TONSL: variants seen among roughly 807,000 people sequenced by gnomAD.
TONSL encodes tonsoku like, DNA repair protein, also known as tonsoku-like protein.
A neutral mutation model predicts 147.1 loss-of-function variants in TONSL; 112 were observed. The observed-to-expected ratio is 0.76, with a 90% CI of 0.65 to 0.89. The LOEUF is 0.89. TONSL is among the 40% of genes least tolerant of loss of function. The pLI is 0.00. For missense variants in TONSL, 1,883 were observed against 1,864.6 expected (o/e 1.01, Z -0.18); for synonymous variants, 868 against 801.5 (o/e 1.08, Z -1.40).
chr8:144,436,719 C>A, intron 15 of TONSL, 38 bp from the exon 16 acceptor site: 1 of 1,610,982 alleles, frequency 6.2e-7, no homozygotes, highest in Non-Finnish European at 8.5e-7. Context: ...CAGCAGCCCC[C>A]ATAACCTCGC....
At chr8:144,435,237 A>G in intron 18 of TONSL, 67 bp from the exon 19 acceptor site, 1 of 1,435,786 alleles carries the variant, frequency 7.0e-7, no homozygotes, top group Middle Eastern at 2.6e-4. Context: ...GGGACCCGCC[A>G]TCCCTGCCCA....
chr8:144,436,772 G>C lies in TONSL; in HGVS notation c.1875C>G (p.Thr625=). The C allele has an allele frequency of 6.2e-7, 1 of 1,611,086 alleles. No homozygotes were observed. The change falls in exon 15 of 26, where the codon ACC becomes ACG. Residue 625 remains threonine, a synonymous_variant. Transcript: ENST00000409379. ...ELLLERGASV[T]LRTRKGLSPL... ...CCAGGCTCACCTTTCGAGTGCGGAG[G>C]GTGACGGACGCCCCCCGTTCAAGCA...
chr8:144,441,971 C>A (rs2242265), intron 7 of TONSL, 66 bp downstream of exon 7: 743,716 of 1,445,334 alleles, frequency 0.51, 192,684 homozygotes, highest in Middle Eastern at 0.62. Context: ...TGGCGGGACT[C>A]CACCCCGCCC....
intron 23 of TONSL, among the ~76,000 whole-genome samples, 177 bp from the exon 24 acceptor site, chr8:144,431,328 A>C (rs1049830586): frequency 6.6e-6 from 1 of 152,104 alleles, no homozygotes; most frequent in African/African-American, 2.4e-5. Context: ...GATAGTGTGA[A>C]AATAATAGGG....
chr8:144,435,406 T>C, intron 18 of TONSL, 68 bp downstream of exon 18: 3 of 1,397,010 alleles, frequency 2.1e-6, no homozygotes, highest in East Asian at 2.5e-5. Context: ...CACCCTGACA[T>C]GCAAACACGA....
Position 144,443,241 on chromosome 8 carries a change from G to A in TONSL, c.345C>T (p.Arg115=). ...ELQRAWATIG[R]THLDIYDHCQ... Reference sequence around the variant, plus strand: ...AGTGGTCATAGATGTCCAGGTGGGTGCGGCCGATGGTGGCCCAGGCCCTCT... The same window carrying A: ...AGTGGTCATAGATGTCCAGGTGGGTACGGCCGATGGTGGCCCAGGCCCTCT... The change falls in exon 4 of 26, where the codon CGC becomes CGT. Residue 115 remains arginine, a synonymous_variant. Coordinates refer to ENST00000409379, the MANE Select transcript of TONSL (RefSeq NM_013432.5). The A allele has an allele frequency of 6.4e-7, 1 of 1,550,790 alleles. No individual in the cohort carries two copies. Among genetic ancestry groups the A allele is most frequent in the Non-Finnish European group, 8.7e-7 (1 of 1,146,986 alleles).
At chr8:144,441,215 C>T in intron 7 of TONSL, 104 bp from the exon 8 acceptor site, 1 of 1,471,306 alleles carries the variant, frequency 6.8e-7, no homozygotes, top group South Asian at 1.3e-5. Flanking sequence ...ACTCTCTCCA[C>T]ACCTCTGCCT....
At chr8:144,439,877 A>G in intron 11 of TONSL, 144 bp downstream of exon 11, 1 of 585,626 alleles carries the variant, frequency 1.7e-6, no homozygotes. Flanking sequence ...TTCTCTGTCC[A>G]GTTCCGGGAA....
rs1286112295 is a variant in TONSL, at chr8:144,444,408, G to A, written c.7C>T (p.Leu3=). 4.7e-6 allele frequency: 6 copies of A among 1,265,248 alleles called. No individual in the cohort carries two copies. Among genetic ancestry groups the A allele is most frequent in the Middle Eastern group, 3.0e-4 (1 of 3,386 alleles). The allele number at this position is 1,265,248 out of a possible 1,614,324, so 78.4% of individuals were successfully genotyped here. A position where few individuals can be genotyped will look rare whatever the true frequency, so the allele number is the denominator to read the frequency against. Residue 3 remains leucine (L), a synonymous_variant, in exon 1 of 26, where the codon CTG becomes TTG. Coordinates refer to ENST00000409379, the MANE Select transcript of TONSL (RefSeq NM_013432.5). MS[L]ERELRQLSKA... ...AACTTACGGCGAAGCTCGCGCTCCA[G>A]GCTCATGCTCGGATCGCCGCGGGAT...
rs1823443818 is a variant in TONSL at position 144,436,103 on chromosome 8, G to A, written c.2330C>T (p.Ala777Val). ...GGCTGTGGCTGCTTCCCTGTTGCTG[G>A]CGGGGCCAGGCGTCCAGGCTGCCAC... is the stretch of plus-strand genomic sequence containing the variant. ...QRVAAWTPGP[A>V]SNREAATAST... Residue 777 changes from alanine (A) to valine (V), a missense_variant, in exon 17 of 26, where the codon GCC becomes GTC. Transcript: ENST00000409379. 1 of 1,556,748 alleles carries A rather than the reference G, an allele frequency of 6.4e-7. No homozygotes were observed. The highest frequency in any genetic ancestry group is 8.6e-7 in the Non-Finnish European group (1 of 1,157,710).
In TONSL at chr8:144,442,764, AG is replaced by A. The variant is rs1192378900; in HGVS notation, c.490del (p.Leu164SerfsTer72). The A allele has an allele frequency of 8.1e-6, 13 of 1,612,734 alleles. No individual in the cohort carries two copies. The highest frequency in any genetic ancestry group is 1.7e-5 in the Admixed American group (1 of 59,988). ...QGELNEMRTR[L>X]YLNLGLTFES... ...AAAGGTGAGGCCCAGGTTGAGATAG[AG>A]GCGGGTCCTCATCTCATTCAGCTCT... On this transcript the variant is annotated frameshift_variant, in exon 5 of 26. Coordinates refer to ENST00000409379, the MANE Select transcript of TONSL (RefSeq NM_013432.5). LOFTEE classifies it high-confidence loss of function.
Position 144,442,392 on chromosome 8 carries a change from T to A in TONSL, c.599A>T (p.Asp200Val). 1 of 1,560,118 alleles carries A rather than the reference T, an allele frequency of 6.4e-7. No individual in the cohort carries two copies. Among genetic ancestry groups the A allele is most frequent in the African/African-American group, 1.4e-5 (1 of 73,738 alleles). ...FLAEQNHLYE[D>V]LFRARYNLGT... is the part of the protein sequence containing the mutation. ...CAGGTTGTAGCGGGCGCGGAATAGGTCCTCGTAAAGGTGGTTCTGCCTGCA... is the reference window on the plus strand; with the variant it reads ...CAGGTTGTAGCGGGCGCGGAATAGGACCTCGTAAAGGTGGTTCTGCCTGCA... Residue 200 changes from aspartate to valine, a missense_variant, in exon 6 of 26, where the codon GAC (aspartate) becomes GTC (valine). Coordinates refer to ENST00000409379, the MANE Select transcript of TONSL (RefSeq NM_013432.5).
intron 24 of TONSL, 103 bp from the exon 25 acceptor site, chr8:144,430,640 C>T: frequency 1.4e-6 from 2 of 1,396,898 alleles, no homozygotes; most frequent in Non-Finnish European, 1.9e-6. Flanking sequence ...GAGCCTCGGG[C>T]CAGACCCAGG....
chr8:144,434,498 C>G (rs1177925545), intron 20 of TONSL, among the ~76,000 whole-genome samples: 1 of 152,158 alleles, frequency 6.6e-6, no homozygotes, highest in African/African-American at 2.4e-5. Context: ...CTGCCAGATT[C>G]CACACCCCCC....
At chr8:144,435,264 C>T in intron 18 of TONSL, 94 bp from the exon 19 acceptor site, 1 of 1,417,282 alleles carries the variant, frequency 7.1e-7, no homozygotes, top group Non-Finnish European at 9.3e-7. Flanking sequence ...GAAGCCCCCT[C>T]AGCTGCTTCT....
chr8:144,433,111 T>G, intron 22 of TONSL: 1 of 157,672 alleles, frequency 6.3e-6, no homozygotes, highest in Non-Finnish European at 1.4e-5. Flanking sequence ...CACGGAGTCT[T>G]GCTCTGTCGC....
In TONSL at chr8:144,442,108, A is replaced by T. The variant is rs1393627354; in HGVS notation, c.794T>A (p.Leu265Gln). 6.2e-7 allele frequency: 1 copy of T among 1,612,722 alleles called. No individual in the cohort carries two copies. Among genetic ancestry groups the T allele is most frequent in the East Asian group, 2.2e-5 (1 of 44,878 alleles). Residue 265 changes from leucine (L) to glutamine (Q), a missense_variant, in exon 7 of 26, where the codon CTG (leucine) becomes CAG (glutamine). Transcript: ENST00000409379. ...LGDFLAAKRA[L>Q]KKAYRLGSQK... ...GGAGCCCAGCCTGTAGGCCTTCTTC[A>T]GGGCTCGCTTGGCAGCCAAAAAGTC...
chr8:144,435,621 G>C, intron 17 of TONSL, 37 bp downstream of exon 17: 1 of 1,581,440 alleles, frequency 6.3e-7, no homozygotes, highest in Non-Finnish European at 8.6e-7. Context: ...CCTGCCCGGA[G>C]TGGGGAGAGG....
chr8:144,437,950 T>C (rs1823542057), intron 13 of TONSL, among the ~76,000 whole-genome samples: 2 of 152,198 alleles, frequency 1.3e-5, no homozygotes, highest in Non-Finnish European at 2.9e-5. Flanking sequence ...TCACACAGGT[T>C]GGAGTGCAGT....
Sources: allele counts gnomAD v4.1 joint callset (sites outside exome capture counted in the v4.1 genomes callset), GRCh38; gene constraint gnomAD v4.1.1; transcripts MANE v1.5; gene names NCBI Gene and HGNC (gene_info 2026-07-23, HGNC 2026-07-21).